Variants in FAM114A1 observed in about 807,000 individuals in gnomAD.
FAM114A1 encodes the protein family with sequence similarity 114 member A1.
Under a neutral mutation model 64.3 loss-of-function variants are expected in FAM114A1, and 62 were observed. That is an observed-to-expected ratio of 0.96 (90% CI 0.79 to 1.19). The LOEUF (loss-of-function observed/expected upper bound fraction) is 1.19. FAM114A1 is among the 50% of genes most tolerant of loss of function. The pLI is 0.00. For synonymous variants in FAM114A1, 254 were observed against 251.1 expected (o/e 1.01, Z -0.11); for missense variants, 645 against 676.3 (o/e 0.95, Z 0.51).
rs1234933506 is a variant in FAM114A1 at position 38,945,671 on chromosome 4, C to T, written c.*2114C>T. On this transcript the variant is annotated 3_prime_UTR_variant, in exon 15 of 15. Transcript: ENST00000358869. The stretch of plus-strand genomic sequence containing the variant: ...TCTCCTGAAACATCCAAATAGAGAA[C>T]ATAAGAACACTTTATGTACAATCTG... 3 of 152,150 alleles carry T rather than the reference C, an allele frequency of 2.0e-5. No individual in the cohort carries two copies. The highest frequency in any genetic ancestry group is 6.5e-5 in the Admixed American group (1 of 15,276). 9.4% of individuals were successfully genotyped at this position (152,150 alleles called of 1,614,324 possible). A position where few individuals can be genotyped will look rare whatever the true frequency, so the allele number is the denominator to read the frequency against.
intron 3 of FAM114A1, among the ~76,000 whole-genome samples, chr4:38,879,109 G>GTT (rs1184001965): frequency 6.6e-6 from 1 of 152,080 alleles, no homozygotes; most frequent in Non-Finnish European, 1.5e-5. Context: ...TCCCAGCAGG[G>GTT]TTTTCCTGGA....
At chr4:38,920,966 G>A (rs1719535578) in intron 8 of FAM114A1, among the ~76,000 whole-genome samples, 1 of 152,168 alleles carries the variant, frequency 6.6e-6, no homozygotes, top group African/African-American at 2.4e-5. Context: ...ATTATGCCCT[G>A]GCAATGAGCT....
Position 38,913,048 on chromosome 4 carries a change from A to G in FAM114A1, c.793-1873A>G, listed in dbSNP as rs6531680. Among the ~76,000 whole-genome samples, 758 of 152,300 alleles carry G rather than the reference A, an allele frequency of 5.0e-3. 8 individuals are homozygous for G. The highest frequency in any genetic ancestry group is 0.017 in the African/African-American group (712 of 41,552). On this transcript the variant is annotated intron_variant, in intron 7 of 14. Transcript: ENST00000358869. ...TAACCTCGAGAACCCAGAAGGAAAT[A>G]AGGCTGATTGTTTTTCTGGCACACA...
chr4:38,893,984 G>C (rs930585198), intron 4 of FAM114A1, among the ~76,000 whole-genome samples: 2 of 152,032 alleles, frequency 1.3e-5, no homozygotes, highest in Admixed American at 1.3e-4. Flanking sequence ...CCAACATGGT[G>C]AAAACCCATC....
At chr4:38,893,474 C>T (rs1209207232) in intron 4 of FAM114A1, among the ~76,000 whole-genome samples, 1 of 152,180 alleles carries the variant, frequency 6.6e-6, no homozygotes, top group African/African-American at 2.4e-5. Context: ...AGGACTTACT[C>T]TTTCATTAAA....
At chr4:38,915,771 G>GTGTC (rs200127224) in intron 8 of FAM114A1, among the ~76,000 whole-genome samples, 34 of 151,400 alleles carry the variant, frequency 2.2e-4, no homozygotes, top group East Asian at 9.7e-4. Flanking sequence ...GTGTGTGTGT[G>GTGTC]TGTGTGTGTG....
chr4:38,928,959 C>A, intron 9 of FAM114A1: 1 of 416,544 alleles, frequency 2.4e-6, no homozygotes, highest in Non-Finnish European at 4.5e-6. Flanking sequence ...ACAAGACAAG[C>A]GAGGTCCCTC....
intron 10 of FAM114A1, among the ~76,000 whole-genome samples, chr4:38,930,777 A>G (rs1720561139): frequency 6.6e-6 from 1 of 152,230 alleles, no homozygotes; most frequent in South Asian, 2.1e-4. Context: ...AATTCAGGGA[A>G]TAACAGGCAG....
At chr4:38,922,971 T>G (rs1307560388) in intron 9 of FAM114A1, 78 bp downstream of exon 9, 165 of 1,451,076 alleles carry the variant, frequency 1.1e-4, no homozygotes, top group Non-Finnish European at 1.5e-4. Flanking sequence ...AACACAGCCC[T>G]TTGAATTACT....
chr4:38,882,387 T>G (rs540701364), intron 3 of FAM114A1, among the ~76,000 whole-genome samples: 1 of 151,466 alleles, frequency 6.6e-6, no homozygotes, highest in East Asian at 1.9e-4. Flanking sequence ...CCCAGCACTT[T>G]GGGAGGCCGA....
At chr4:38,901,155 G>A (rs1294116053) in intron 4 of FAM114A1, among the ~76,000 whole-genome samples, 2 of 152,154 alleles carry the variant, frequency 1.3e-5, no homozygotes, top group Admixed American at 1.3e-4. Flanking sequence ...GGCCCTTCTC[G>A]TGATCCTTTA....
chr4:38,885,511 A>G (rs889780298), intron 3 of FAM114A1, among the ~76,000 whole-genome samples: 3 of 152,196 alleles, frequency 2.0e-5, no homozygotes, highest in African/African-American at 7.2e-5. Context: ...TCCTGGCCTC[A>G]AGTGATCCTC....
intron 3 of FAM114A1, among the ~76,000 whole-genome samples, chr4:38,889,217 T>G (rs1716093667): frequency 6.6e-6 from 1 of 152,204 alleles, no homozygotes; most frequent in Non-Finnish European, 1.5e-5. Context: ...ATTTGTCCTG[T>G]GAAAGAATGA....
chr4:38,909,899 T>C (rs1482213942), intron 7 of FAM114A1, among the ~76,000 whole-genome samples: 1 of 152,168 alleles, frequency 6.6e-6, no homozygotes, highest in Non-Finnish European at 1.5e-5. Flanking sequence ...GGAGGGACTT[T>C]GCAGGATCAT....
At chr4:38,876,169 C>CTTTTTTTTT (rs1163508013) in intron 2 of FAM114A1, among the ~76,000 whole-genome samples, 7 of 69,074 alleles carry the variant, frequency 1.0e-4, no homozygotes, top group East Asian at 3.1e-4. Flanking sequence ...ATTCTTTTTT[C>CTTTTTTTTT]TTTTTTTTTT....
chr4:38,943,191 CAAA>C (rs1255932256), intron 14 of FAM114A1, among the ~76,000 whole-genome samples: 32 of 88,844 alleles, frequency 3.6e-4, no homozygotes, highest in African/African-American at 1.0e-3. Flanking sequence ...GACTCTGTCT[CAAA>C]AAAAAAAAAA....
intron 3 of FAM114A1, among the ~76,000 whole-genome samples, chr4:38,884,389 C>A (rs1715592961): frequency 6.6e-6 from 1 of 152,228 alleles, no homozygotes. Context: ...AGGCTATCAG[C>A]ACCTATGTGG....
chr4:38,918,080 C>T (rs1030533091), intron 8 of FAM114A1, among the ~76,000 whole-genome samples: 10 of 151,726 alleles, frequency 6.6e-5, no homozygotes, highest in East Asian at 1.9e-4. Flanking sequence ...CAAAATTAGC[C>T]GGGCATGGTG....
At chr4:38,885,957 C>T (rs1448931051) in intron 3 of FAM114A1, among the ~76,000 whole-genome samples, 1 of 151,824 alleles carries the variant, frequency 6.6e-6, no homozygotes. Context: ...GAAGATAGGC[C>T]ATCAGAATAG....
Sources: gnomAD v4.1 joint callset for allele counts (sites outside exome capture counted in the v4.1 genomes callset) on GRCh38, gnomAD v4.1.1 for gene constraint, MANE v1.5 for transcripts, NCBI Gene and HGNC (gene_info 2026-07-23, HGNC 2026-07-21) for gene names.